REN: variants seen among roughly 807,000 people sequenced by gnomAD.
REN encodes the protein angiotensin-forming enzyme.
REN carries 42 observed loss-of-function variants against 48.6 expected under a neutral mutation model. The ratio of observed to expected loss-of-function variants is 0.86; its 90% confidence interval spans 0.68 to 1.12. The LOEUF (loss-of-function observed/expected upper bound fraction) is 1.12. Ranked by LOEUF, REN falls within the 50% of genes most tolerant of loss-of-function variation. The pLI, the probability that REN is intolerant of heterozygous loss-of-function variation, is 0.00. For synonymous variants in REN, 196 were observed against 204.6 expected, an observed-to-expected ratio of 0.96 and a Z score of 0.36; for missense variants, 443 against 527.3, an observed-to-expected ratio of 0.84 and a Z score of 1.57.
chr1:204,164,563 G>GTTTTTTT (rs1658309910), intron 1 of REN, among the ~76,000 whole-genome samples: 1 of 102,802 alleles, frequency 9.7e-6, no homozygotes. Flanking sequence ...CCCTTCTTCA[G>GTTTTTTT]TCTTTTTTTT....
At chr1:204,162,219 G>T in intron 1 of REN, 56 bp from the exon 2 acceptor site, 4 of 1,600,058 alleles carry the variant, frequency 2.5e-6, no homozygotes, top group Non-Finnish European at 3.4e-6. Flanking sequence ...CACCACAGTG[G>T]TGGAGTCCCT....
chr1:204,157,287 G>T, intron 6 of REN, 74 bp downstream of exon 6: 2 of 1,591,146 alleles, frequency 1.3e-6, no homozygotes, highest in Non-Finnish European at 1.7e-6. Context: ...TGGGCCGGTG[G>T]CGTGTGTAAT....
At chr1:204,159,146 G>A (rs140976903) in intron 5 of REN, among the ~76,000 whole-genome samples, 108 of 152,296 alleles carry the variant, frequency 7.1e-4, no homozygotes, top group African/African-American at 2.6e-3. Flanking sequence ...ACTAGCCACC[G>A]TGGCTGCCAG....
chr1:204,159,704 C>T (rs11571084), intron 4 of REN, 109 bp from the exon 5 acceptor site: 27,528 of 921,392 alleles, frequency 0.03, 502 homozygotes, highest in Middle Eastern at 0.048. Context: ...CTCCAGGGTA[C>T]AGAAATCGGG....
Position 204,154,825 on chromosome 1 carries a change from C to A in REN, c.*191G>T. The stretch of plus-strand genomic sequence containing the variant: ...GAACCCAGATGCAACAGGCTGTGAA[C>A]ATGAAGTCTTTATTCTCTTTGTCCT... On this transcript the variant is annotated 3_prime_UTR_variant, in exon 10 of 10. Coordinates refer to ENST00000272190, the MANE Select transcript of REN (RefSeq NM_000537.4). 1.5e-6 allele frequency: 1 copy of A among 658,654 alleles called. No individual in the cohort carries two copies. Among genetic ancestry groups the A allele is most frequent in the Middle Eastern group, 4.1e-4 (1 of 2,464 alleles). The allele number at this position is 658,654 out of a possible 1,614,324, so 40.8% of individuals were successfully genotyped here. A position where few individuals can be genotyped will look rare whatever the true frequency, so the allele number is the denominator to read the frequency against.
At chr1:204,159,318 C>A (rs1170502107) in intron 5 of REN, 81 bp downstream of exon 5, 2 of 1,285,558 alleles carry the variant, frequency 1.6e-6, no homozygotes, top group Non-Finnish European at 2.3e-6. Context: ...CTTTACAATT[C>A]TGGCCCAGAC....
In REN at chr1:204,155,882, CG is replaced by C; in HGVS notation, c.996del (p.Asp333ThrfsTer130). ...VVKCNEGPTL[P>X]DISFHLGGKE... ...TTGCCTCCCAGGTGGAAAGAGATGT[CG>C]GGGAGTGTAGGGCCCTCGTTACACT... On this transcript the variant is annotated frameshift_variant, in exon 9 of 10. Coordinates refer to ENST00000272190, the MANE Select transcript of REN (RefSeq NM_000537.4). LOFTEE classifies it high-confidence loss of function. 1 of 1,613,954 alleles carries C rather than the reference CG, an allele frequency of 6.2e-7. No individual in the cohort carries two copies. The highest frequency in any genetic ancestry group is 8.5e-7 in the Non-Finnish European group (1 of 1,179,976).
rs1658170950 is a variant in REN at position 204,157,509 on chromosome 1, G to A, written c.690-140C>T. 3.4e-6 allele frequency: 4 copies of A among 1,191,196 alleles called. No individual in the cohort carries two copies. In the Admixed American group the frequency reaches 7.1e-5, roughly 21 times the overall value. 73.8% of individuals were successfully genotyped at this position (1,191,196 alleles called of 1,614,324 possible). On this transcript the variant is annotated intron_variant, in intron 5 of 9. Coordinates refer to ENST00000272190, the MANE Select transcript of REN (RefSeq NM_000537.4). ...CACCAAGAGGCGAAGTCACTTGCCT[G>A]AAGTTACCCAGTCCATGAGTGAACA...
chr1:204,159,553 C>G lies in REN; in HGVS notation c.535G>C (p.Glu179Gln). 1 of 1,614,156 alleles carries G rather than the reference C, an allele frequency of 6.2e-7. No individual in the cohort carries two copies. The highest frequency in any genetic ancestry group is 8.5e-7 in the Non-Finnish European group (1 of 1,180,036). Residue 179 changes from glutamate to glutamine, a missense_variant, in exon 5 of 10, where the codon GAG becomes CAG. Physicochemically the swap from Glu to Gln is conservative, Grantham distance 29. Coordinates refer to ENST00000272190, the MANE Select transcript of REN (RefSeq NM_000537.4). ...AGCATGAAGGGTAAGGCGGGCATCT[C>G]CGTGACCTCTCCAAACATCTGTGTC... is the stretch of plus-strand genomic sequence containing the variant. The part of the protein sequence containing the change: ...TVTQMFGEVT[E>Q]MPALPFMLAE...
chr1:204,163,713 G>T (rs142118381), intron 1 of REN, among the ~76,000 whole-genome samples: 1 of 152,086 alleles, frequency 6.6e-6, no homozygotes, highest in Non-Finnish European at 1.5e-5. Flanking sequence ...GTTTTTCCTT[G>T]GGTCTCACAG....
rs922407514 is a variant in REN at position 204,158,088 on chromosome 1, T to C, written c.690-719A>G. 4.0e-5 allele frequency among the ~76,000 whole-genome samples: 6 copies of C among 151,076 alleles called. No homozygotes were observed. In the East Asian group the frequency reaches 7.8e-4, roughly 20 times the overall value. On this transcript the variant is annotated intron_variant, in intron 5 of 9. Coordinates refer to ENST00000272190, the MANE Select transcript of REN (RefSeq NM_000537.4). ...AAAACACCCACCCTTCCTCTTCTGC[T>C]TCTGGATCTCACCCCCCACGCCACC...
At chr1:204,158,443 G>A (rs561899714) in intron 5 of REN, among the ~76,000 whole-genome samples, 93 of 131,182 alleles carry the variant, frequency 7.1e-4, no homozygotes, top group African/African-American at 2.7e-3. Flanking sequence ...TTTGAGACTG[G>A]ATCTCACTCT....
At position 204,166,192 on chromosome 1, in the gene REN, T is replaced by G. The variant is rs771283728; in HGVS notation, c.98+4A>C. On this transcript the variant is annotated splice_donor_region_variant and intron_variant, in intron 1 of 9. Coordinates refer to ENST00000272190, the MANE Select transcript of REN (RefSeq NM_000537.4). The stretch of plus-strand genomic sequence containing the variant: ...ACCCCTTCTCTGCCTGAGTTACCAA[T>G]TACCGTTTAAAGGTGGTGGTGTCTG... The G allele has an allele frequency of 1.9e-6, 3 of 1,612,304 alleles. No homozygotes were observed. The East Asian group carries it at 6.7e-5, about 36-fold the overall frequency.
chr1:204,159,899 C>T (rs1222815503), intron 4 of REN, among the ~76,000 whole-genome samples: 2 of 152,178 alleles, frequency 1.3e-5, no homozygotes, highest in South Asian at 4.1e-4. Flanking sequence ...GACTTTCGTG[C>T]CTGGCAGGAC....
At chr1:204,157,439 C>G (rs961654053) in intron 5 of REN, 70 bp from the exon 6 acceptor site, 14 of 1,607,902 alleles carry the variant, frequency 8.7e-6, no homozygotes, top group Non-Finnish European at 1.2e-5. Flanking sequence ...TGCTGTTTGG[C>G]AGGGTGGGTG....
At chr1:204,164,656 C>T (rs1338412812) in intron 1 of REN, among the ~76,000 whole-genome samples, 1 of 149,960 alleles carries the variant, frequency 6.7e-6, no homozygotes, top group African/African-American at 2.5e-5. Flanking sequence ...CTGCAGCCTC[C>T]ACCTCCCAGG....
chr1:204,156,759 C>T lies in REN; in HGVS notation c.736G>A (p.Gly246Ser). Residue 246 changes from glycine (G) to serine (S), a missense_variant, in exon 7 of 10, where the codon GGC (glycine) becomes AGC (serine). By Grantham distance (56) the Gly-to-Ser change is moderately conservative (BLOSUM62 0). Transcript: ENST00000272190. The surrounding 1 kb of genome is among the most constrained non-coding windows in gnomAD (Gnocchi z 4.2). ...QSLGGQIVLGGSDPQHYEGNF... is the reference protein window; with the variant it reads ...QSLGGQIVLGSSDPQHYEGNF... ...CCTTCGTAATGCTGGGGGTCGCTGCCTCCCAGCACAATCTGTCCTCCCAGC... is the reference window on the plus strand; with the variant it reads ...CCTTCGTAATGCTGGGGGTCGCTGCTTCCCAGCACAATCTGTCCTCCCAGC... 1 of 1,614,050 alleles carries T rather than the reference C, an allele frequency of 6.2e-7. No individual in the cohort carries two copies. Among genetic ancestry groups the T allele is most frequent in the Non-Finnish European group, 8.5e-7 (1 of 1,180,004 alleles).
intron 9 of REN, among the ~76,000 whole-genome samples, chr1:204,155,520 C>A (rs2887284): frequency 0.22 from 33,366 of 152,044 alleles, 3,582 homozygotes; most frequent in Middle Eastern, 0.26. Context: ...GCATAGGATT[C>A]TTGGGAGTAT....
chr1:204,163,319 T>C (rs1658283233), intron 1 of REN, among the ~76,000 whole-genome samples: 1 of 152,258 alleles, frequency 6.6e-6, no homozygotes, highest in South Asian at 2.1e-4. Flanking sequence ...ATGCAACTTT[T>C]ATGCCTATCA....
Sources: gnomAD v4.1 joint callset for allele counts (sites outside exome capture counted in the v4.1 genomes callset) on GRCh38, gnomAD v4.1.1 for gene constraint, Gnocchi (gnomAD v3.1) non-coding constraint, MANE v1.5 for transcripts, NCBI Gene and HGNC (gene_info 2026-07-23, HGNC 2026-07-21) for gene names.